AK8: variants seen among roughly 807,000 people sequenced by gnomAD.
AK8 encodes the protein adenylate kinase 8.
In AK8, 44 loss-of-function variants were observed where a neutral mutation model predicts 54.6. The observed-to-expected ratio is 0.81, with a 90% confidence interval of 0.63 to 1.04. The LOEUF (loss-of-function observed/expected upper bound fraction) is 1.04. AK8 is among the 50% of genes least tolerant of loss of function. The probability of loss-of-function intolerance (pLI) is 0.00; values close to 1 mark genes in which losing one functional copy is unlikely to be tolerated. For missense variants in AK8, 555 were observed against 613.6 expected (o/e 0.90, Z 1.01); for synonymous variants, 239 against 245.6 (o/e 0.97, Z 0.25).
chr9:132,832,111 T>C (rs899052701), intron 5 of AK8, among the ~76,000 whole-genome samples: 1 of 124,718 alleles, frequency 8.0e-6, no homozygotes, highest in Non-Finnish European at 1.7e-5. Context: ...TCTTCCATAT[T>C]AAAATATTTA....
chr9:132,768,701 A>G (rs1838826359), intron 11 of AK8, among the ~76,000 whole-genome samples: 1 of 152,226 alleles, frequency 6.6e-6, no homozygotes, highest in Non-Finnish European at 1.5e-5. Flanking sequence ...TAGTTGTTGC[A>G]TTGTAATAGA....
chr9:132,727,016 T>C (rs2130925848), intron 12 of AK8, among the ~76,000 whole-genome samples: 1 of 152,084 alleles, frequency 6.6e-6, no homozygotes, highest in Non-Finnish European at 1.5e-5. Context: ...TTGGTCAGAC[T>C]GCAGAATCAA....
At chr9:132,727,883 T>C (rs576248440) in intron 11 of AK8, among the ~76,000 whole-genome samples, 1 of 152,256 alleles carries the variant, frequency 6.6e-6, no homozygotes, top group Non-Finnish European at 1.5e-5. Context: ...CTGTGACTTG[T>C]CTGCATTCTG....
rs939051886 is a variant in AK8, at chr9:132,751,308, C to T, written c.1122-23774G>A. The stretch of plus-strand genomic sequence containing the variant: ...CTGAGGCAGGAGAATCGCTTGAACC[C>T]GGGAGGCAGAGGTTGCAGTGAGCCG... On this transcript the variant is annotated intron_variant, in intron 11 of 12. Coordinates refer to ENST00000298545, the MANE Select transcript of AK8 (RefSeq NM_152572.3). 1.4e-5 allele frequency among the ~76,000 whole-genome samples: 2 copies of T among 144,544 alleles called. 1 individual carries two copies. The highest frequency in any genetic ancestry group is 4.6e-4 in the South Asian group (2 of 4,352). The allele number at this position is 144,544 out of a possible 152,430, so 94.8% of individuals were successfully genotyped here.
rs1487764859 is a variant in AK8, at chr9:132,790,756, T to C, written c.1121+1878A>G. 1.3e-5 allele frequency among the ~76,000 whole-genome samples: 2 copies of C among 152,242 alleles called. No homozygotes were observed. The highest frequency in any genetic ancestry group is 2.1e-4 in the South Asian group (1 of 4,822). ...AGGCAAAAGGATGAGTATTTGTAGA[T>C]GACATGGTCATCTACCTGTAAAACC... On this transcript the variant is annotated intron_variant, in intron 11 of 12. Coordinates refer to ENST00000298545, the MANE Select transcript of AK8 (RefSeq NM_152572.3). This position sits in a 1 kb window ranked among gnomAD's most constrained non-coding sequence, Gnocchi z 4.1.
At chr9:132,813,137 T>C (rs3892430) in intron 10 of AK8, among the ~76,000 whole-genome samples, 428 of 31,060 alleles carry the variant, frequency 0.014, 2 homozygotes, top group Middle Eastern at 0.048. Flanking sequence ...GGACCAGACC[T>C]GCTCACTGCC....
intron 5 of AK8, among the ~76,000 whole-genome samples, chr9:132,849,463 G>A (rs556574000): frequency 1.4e-4 from 22 of 152,268 alleles, no homozygotes; most frequent in African/African-American, 2.6e-4. Context: ...AAGCCTCAAC[G>A]AGTGTCTCTC....
rs143526992 is a variant in AK8, at chr9:132,755,955, C to T, written c.1122-28421G>A. On this transcript the variant is annotated intron_variant, in intron 11 of 12. Coordinates refer to ENST00000298545, the MANE Select transcript of AK8 (RefSeq NM_152572.3). ...GCTAATTTTGTATTTTTAGTAGAGA[C>T]GGGGTTTCACCATGTTGGCCAGGCT... 6.1e-4 allele frequency among the ~76,000 whole-genome samples: 92 copies of T among 152,014 alleles called. 1 individual carries two copies. The East Asian group carries it at 0.016, about 26-fold the overall frequency.
At chr9:132,833,073 C>A (rs1842172436) in intron 5 of AK8, among the ~76,000 whole-genome samples, 1 of 152,214 alleles carries the variant, frequency 6.6e-6, no homozygotes, top group Non-Finnish European at 1.5e-5. Context: ...CCTCTCTGCG[C>A]CAGCCCACGC....
rs1842393363 is a variant in AK8, at chr9:132,837,967, A to C, written c.403-9241T>G. Among the ~76,000 whole-genome samples the C allele has an allele frequency of 6.6e-6, 1 of 152,236 alleles. No homozygotes were observed. The highest frequency in any genetic ancestry group is 2.4e-5 in the African/African-American group (1 of 41,462). On this transcript the variant is annotated intron_variant, in intron 5 of 12. Transcript: ENST00000298545. This position sits in a 1 kb window ranked among gnomAD's most constrained non-coding sequence, Gnocchi z 4.3. ...TTGAGGAACACACAGCCAGGGCCTC[A>C]GCAGAGCTGTGGATCAATAAAACCG...
Position 132,878,009 on chromosome 9 carries a change from C to A in AK8, c.84+163G>T. The stretch of plus-strand genomic sequence containing the variant: ...ACCAGGAGCGTCCCCAGCTCGAGGG[C>A]CCCCTCGGGGTCACGGCGACACACG... On this transcript the variant is annotated intron_variant, in intron 1 of 12. Transcript: ENST00000298545. This position sits in a 1 kb window ranked among gnomAD's most constrained non-coding sequence, Gnocchi z 4.7. 1 of 1,512,676 alleles carries A rather than the reference C, an allele frequency of 6.6e-7. No homozygotes were observed. Among genetic ancestry groups the A allele is most frequent in the Non-Finnish European group, 8.9e-7 (1 of 1,118,718 alleles). The allele number at this position is 1,512,676 out of a possible 1,614,324, so 93.7% of individuals were successfully genotyped here. A position where few individuals can be genotyped will look rare whatever the true frequency, so the allele number is the denominator to read the frequency against.
chr9:132,814,095 T>C (rs1841202391), intron 10 of AK8, among the ~76,000 whole-genome samples: 1 of 151,350 alleles, frequency 6.6e-6, no homozygotes, highest in Non-Finnish European at 1.5e-5. Flanking sequence ...CTGGGCAACA[T>C]GGAGAAATCC....
intron 11 of AK8, among the ~76,000 whole-genome samples, chr9:132,751,812 G>T (rs1837940352): frequency 6.6e-6 from 1 of 151,780 alleles, no homozygotes; most frequent in Non-Finnish European, 1.5e-5. Context: ...GTGCAATTAA[G>T]ACCCTGTTTT....
intron 5 of AK8, among the ~76,000 whole-genome samples, chr9:132,841,377 G>A (rs1357958222): frequency 5.9e-5 from 9 of 152,220 alleles, no homozygotes; most frequent in African/African-American, 1.4e-4. Context: ...CGCACATGAC[G>A]AGCCGTCATA....
chr9:132,828,817 G>T (rs1721399846), intron 5 of AK8, 91 bp from the exon 6 acceptor site: 15 of 1,008,722 alleles, frequency 1.5e-5, no homozygotes, highest in Non-Finnish European at 2.1e-5. Flanking sequence ...TTTATAGAAA[G>T]ACTAGAACTT....
intron 10 of AK8, among the ~76,000 whole-genome samples, chr9:132,798,596 C>T (rs1053839369): frequency 1.3e-5 from 2 of 152,226 alleles, no homozygotes; most frequent in African/African-American, 4.8e-5. Context: ...CCAAGGGTTA[C>T]CTCTCTGGAG....
chr9:132,855,806 C>G (rs771021674), intron 4 of AK8, among the ~76,000 whole-genome samples: 3 of 152,208 alleles, frequency 2.0e-5, no homozygotes, highest in Non-Finnish European at 4.4e-5. Flanking sequence ...ACTCCACTTA[C>G]AGTAACACGG....
chr9:132,820,624 T>C (rs570130444), intron 9 of AK8, among the ~76,000 whole-genome samples: 1 of 152,384 alleles, frequency 6.6e-6, no homozygotes, highest in East Asian at 1.9e-4. Context: ...CAGTTAGTGC[T>C]TTAACCAACA....
At chr9:132,862,224 G>A (rs1001393292) in intron 4 of AK8, among the ~76,000 whole-genome samples, 9 of 152,162 alleles carry the variant, frequency 5.9e-5, no homozygotes, top group East Asian at 1.9e-4. Context: ...CTGACTTGCC[G>A]TGGGGGTGGC....
Sources: allele counts gnomAD v4.1 joint callset (sites outside exome capture counted in the v4.1 genomes callset), GRCh38; gene constraint gnomAD v4.1.1; non-coding constraint Gnocchi (gnomAD v3.1); transcripts MANE v1.5; gene names NCBI Gene and HGNC (gene_info 2026-07-23, HGNC 2026-07-21).